Variants in DYSF observed in about 807,000 individuals in gnomAD.
The protein encoded by DYSF is dystrophy-associated fer-1-like 1.
Under a neutral mutation model 274.9 loss-of-function variants are expected in DYSF, and 212 were observed. The observed-to-expected ratio is 0.77, with a 90% CI of 0.69 to 0.86. The LOEUF (loss-of-function observed/expected upper bound fraction) is 0.86, where lower values mean the gene tolerates loss of function less well. Ranked by LOEUF, DYSF falls within the 40% of genes least tolerant of loss-of-function variation. DYSF has a pLI of 0.00. For missense variants in DYSF, 2,666 were observed against 2,783.2 expected (o/e 0.96, Z 0.95); for synonymous variants, 1,091 against 1,078.7 (o/e 1.01, Z -0.22).
chr2:71,570,106 CTG>C (rs1333179247), intron 27 of DYSF, 121 bp from the exon 28 acceptor site: 1 of 1,094,694 alleles, frequency 9.1e-7, no homozygotes, highest in African/African-American at 1.5e-5. Context: ...GACACTGACT[CTG>C]GGGCTCTGCC....
intron 22 of DYSF, among the ~76,000 whole-genome samples, chr2:71,556,286 C>T (rs964352966): frequency 1.3e-5 from 2 of 152,252 alleles, no homozygotes; most frequent in African/African-American, 2.4e-5. Flanking sequence ...GCAGCAGCGG[C>T]AGCTGCGGGC....
At position 71,656,142 on chromosome 2, in the gene DYSF, C is replaced by T. The variant is rs2094765171; in HGVS notation, c.4627-20C>T. On this transcript the variant is annotated intron_variant, in intron 42 of 55. Coordinates refer to ENST00000410020, the MANE Select transcript of DYSF (RefSeq NM_001130987.2). ...TTCTTTCTGTCTCTTGTCCCCTCCT[C>T]TAATCCCCATGTGTGGCAGGTCTAT... 6.2e-7 allele frequency: 1 copy of T among 1,613,996 alleles called. No individual in the cohort carries two copies. Among genetic ancestry groups the T allele is most frequent in the South Asian group, 1.1e-5 (1 of 91,070 alleles).
At position 71,617,039 on chromosome 2, in the gene DYSF, C is replaced by T. The variant is rs544878253; in HGVS notation, c.4465-3508C>T. Among the ~76,000 whole-genome samples the T allele has an allele frequency of 3.3e-5, 5 of 152,230 alleles. No individual in the cohort carries two copies. In the East Asian group the frequency reaches 9.7e-4, roughly 29 times the overall value. On this transcript the variant is annotated intron_variant, in intron 40 of 55. Transcript: ENST00000410020. ...CCATTTCCTATAGAGGGTCTTGAAGCTCCAAATAGAGGCTGTGCCCCCAGA... is the reference window on the plus strand; with the variant it reads ...CCATTTCCTATAGAGGGTCTTGAAGTTCCAAATAGAGGCTGTGCCCCCAGA...
intron 41 of DYSF, among the ~76,000 whole-genome samples, chr2:71,638,361 CAA>C (rs34513312): frequency 3.8e-5 from 5 of 130,150 alleles, no homozygotes; most frequent in Admixed American, 1.5e-4. Context: ...CTCATCACTG[CAA>C]AAAAAAAAAA....
At chr2:71,671,253 A>G (rs1244372113) in intron 51 of DYSF, among the ~76,000 whole-genome samples, 1 of 152,234 alleles carries the variant, frequency 6.6e-6, no homozygotes, top group Non-Finnish European at 1.5e-5. Context: ...GAATTGAGCA[A>G]CAGGGTTCTG....
At chr2:71,685,203 G>C (rs1212210346) in intron 55 of DYSF, among the ~76,000 whole-genome samples, 1 of 152,192 alleles carries the variant, frequency 6.6e-6, no homozygotes, top group East Asian at 1.9e-4. Flanking sequence ...GTGGTACTGT[G>C]GGGGGCCTGG....
intron 47 of DYSF, among the ~76,000 whole-genome samples, chr2:71,666,507 G>A (rs1027381230): frequency 1.3e-5 from 2 of 152,262 alleles, no homozygotes; most frequent in Admixed American, 6.5e-5. Context: ...CTGGGTACAT[G>A]TACAGATGTG....
intron 45 of DYSF, among the ~76,000 whole-genome samples, chr2:71,662,353 G>A (rs764010269): frequency 6.6e-6 from 1 of 152,176 alleles, no homozygotes; most frequent in South Asian, 2.1e-4. Flanking sequence ...CTGCCCATTT[G>A]TATGGAATCC....
At chr2:71,543,837 CAGAGGGAGACCGTGGAAAGAGAGGG>C (rs1387140427) in intron 17 of DYSF, among the ~76,000 whole-genome samples, 264 of 149,890 alleles carry the variant, frequency 1.8e-3, no homozygotes, top group African/African-American at 5.5e-3. Context: ...GGCTCGGCAT[CAGAGGGAGACCGTGGAAAGAGAGGG>C]AGAGGGAGAC....
At chr2:71,629,742 T>G (rs1490949445) in intron 41 of DYSF, among the ~76,000 whole-genome samples, 1 of 152,238 alleles carries the variant, frequency 6.6e-6, no homozygotes, top group Non-Finnish European at 1.5e-5. Context: ...AGCTCAGCCA[T>G]GCATTTAAAA....
chr2:71,621,758 C>A (rs1339637713), intron 41 of DYSF, among the ~76,000 whole-genome samples: 3 of 152,072 alleles, frequency 2.0e-5, no homozygotes, highest in Non-Finnish European at 2.9e-5. Context: ...CTGCTGGGCT[C>A]AAGCAATTCT....
At chr2:71,565,246 CTTTTT>C (rs796705736) in intron 24 of DYSF, among the ~76,000 whole-genome samples, 1 of 131,340 alleles carries the variant, frequency 7.6e-6, no homozygotes, top group African/African-American at 2.9e-5. Context: ...CCACCCAGCT[CTTTTT>C]TTTTTTTTTT....
chr2:71,666,130 C>T (rs72904653), intron 47 of DYSF, among the ~76,000 whole-genome samples: 3 of 152,216 alleles, frequency 2.0e-5, no homozygotes, highest in Admixed American at 1.3e-4. Flanking sequence ...GCCCTGCCCC[C>T]CTTCATTCCC....
intron 3 of DYSF, among the ~76,000 whole-genome samples, chr2:71,484,678 T>C (rs1012699498): frequency 6.6e-6 from 1 of 152,232 alleles, no homozygotes; most frequent in Non-Finnish European, 1.5e-5. Context: ...CTGCTACCCT[T>C]CCCTGCCTCT....
intron 23 of DYSF, 141 bp from the exon 24 acceptor site, chr2:71,563,917 C>A: frequency 1.6e-6 from 2 of 1,224,768 alleles, no homozygotes; most frequent in Non-Finnish European, 1.2e-6. Context: ...GGGGGAAGGC[C>A]AGGGTGGACA....
intron 14 of DYSF, among the ~76,000 whole-genome samples, chr2:71,533,384 G>A (rs989123460): frequency 1.3e-5 from 2 of 152,166 alleles, no homozygotes; most frequent in African/African-American, 4.8e-5. Context: ...TCTGCGCCTT[G>A]CTTTTTTCAC....
intron 16 of DYSF, 33 bp downstream of exon 16, chr2:71,535,344 G>A: frequency 6.2e-7 from 1 of 1,610,146 alleles, no homozygotes; most frequent in South Asian, 1.1e-5. Context: ...TTTAGGGCGG[G>A]CTGTCCTGAG....
intron 41 of DYSF, among the ~76,000 whole-genome samples, chr2:71,623,309 A>G (rs1318474323): frequency 2.1e-5 from 3 of 144,750 alleles, no homozygotes; most frequent in Admixed American, 6.9e-5. Context: ...ATATCTCCCA[A>G]TGCTGTCCCT....
intron 41 of DYSF, among the ~76,000 whole-genome samples, chr2:71,630,205 T>C (rs2152907198): frequency 6.6e-6 from 1 of 152,344 alleles, no homozygotes; most frequent in Non-Finnish European, 1.5e-5. Flanking sequence ...GGAAATAGTT[T>C]AGATTTGCAG....
Sources: gnomAD v4.1 joint callset for allele counts (sites outside exome capture counted in the v4.1 genomes callset) on GRCh38, gnomAD v4.1.1 for gene constraint, MANE v1.5 for transcripts, NCBI Gene and HGNC (gene_info 2026-07-23, HGNC 2026-07-21) for gene names.